Variants in ESRRG observed in about 807,000 individuals in gnomAD.
ESRRG encodes estrogen related receptor gamma.
ESRRG carries 13 observed loss-of-function variants against 44.0 expected under a neutral mutation model. The ratio of observed to expected loss-of-function variants is 0.30; its 90% confidence interval spans 0.19 to 0.47. The LOEUF (loss-of-function observed/expected upper bound fraction) is 0.47, where lower values mean the gene tolerates loss of function less well. ESRRG is among the 20% of genes least tolerant of loss of function. The pLI is 1.00. For synonymous variants in ESRRG, 215 were observed against 214.6 expected (o/e 1.00, Z -0.02); for missense variants, 395 against 580.6 (o/e 0.68, Z 3.29).
intron 2 of ESRRG, among the ~76,000 whole-genome samples, chr1:216,762,990 T>G (rs1199341332): frequency 6.6e-6 from 1 of 152,118 alleles, no homozygotes. Flanking sequence ...ATAAGTTACC[T>G]AAGAGTGCTA....
intron 1 of ESRRG, chr1:217,089,375 T>A (rs1479488141): frequency 7.4e-6 from 1 of 135,074 alleles, no homozygotes; most frequent in Non-Finnish European, 1.6e-5. Flanking sequence ...TTTTTTTTTT[T>A]CCAAGAGACT....
chr1:216,922,912 T>C (rs1381456982), intron 2 of ESRRG, among the ~76,000 whole-genome samples: 1 of 152,148 alleles, frequency 6.6e-6, no homozygotes, highest in East Asian at 1.9e-4. Flanking sequence ...ACTCCTACCC[T>C]TTCACGCCTG....
chr1:216,737,890 G>A (rs1449882595), intron 2 of ESRRG, among the ~76,000 whole-genome samples: 1 of 151,554 alleles, frequency 6.6e-6, no homozygotes, highest in South Asian at 2.1e-4. Flanking sequence ...GAAAATATTC[G>A]TCCTTACATA....
intron 6 of ESRRG, among the ~76,000 whole-genome samples, chr1:216,516,973 A>G (rs1330391889): frequency 1.3e-5 from 2 of 152,164 alleles, no homozygotes; most frequent in Non-Finnish European, 2.9e-5. Context: ...ATAATTACAC[A>G]ACACAGTAGA....
chr1:216,945,389 C>T (rs1156761090), intron 1 of ESRRG, among the ~76,000 whole-genome samples: 1 of 152,036 alleles, frequency 6.6e-6, no homozygotes, highest in Non-Finnish European at 1.5e-5. Flanking sequence ...AATCTGCAAG[C>T]AGACCCCGAG....
intron 2 of ESRRG, among the ~76,000 whole-genome samples, chr1:216,931,833 C>T (rs1444393787): frequency 1.0e-5 from 1 of 99,208 alleles, no homozygotes; most frequent in Admixed American, 1.1e-4. Context: ...AATGAGAAAC[C>T]ACAAAAAAAA....
In ESRRG at chr1:217,021,165, C is replaced by T. The variant is rs1354806127; in HGVS notation, c.-106+68342G>A. On this transcript the variant is annotated intron_variant, in intron 1 of 7. Coordinates refer to the ESRRG transcript ENST00000359162. ...GGTTGTTTCTCTTTTTCTAATGATC[C>T]ATCTGCTGTTCCTCACGTTCACAGA... is the stretch of plus-strand genomic sequence containing the variant. Among the ~76,000 whole-genome samples, 3 of 151,946 alleles carry T rather than the reference C, an allele frequency of 2.0e-5. No homozygotes were observed. In the East Asian group the frequency reaches 5.8e-4, roughly 29 times the overall value.
chr1:216,725,135 G>T (rs2087231180), upstream of ESRRG, among the ~76,000 whole-genome samples: 1 of 152,042 alleles, frequency 6.6e-6, no homozygotes, highest in Admixed American at 6.6e-5. Context: ...GACATGATTT[G>T]GTCCCCCCAC....
rs199959949 is a variant in ESRRG at position 216,577,770 on chromosome 1, A to AT, written c.590-9673dup. On this transcript the variant is annotated intron_variant, in intron 3 of 6. Coordinates refer to ENST00000408911, the MANE Select transcript of ESRRG (RefSeq NM_001438.4). ...AAGCAGACATGGATTTAAAATATAG[A>AT]TTTTTTTAAAAAAAAAGGAAATAGA... is the stretch of plus-strand genomic sequence containing the variant. Among the ~76,000 whole-genome samples, 620 of 152,040 alleles carry AT rather than the reference A, an allele frequency of 4.1e-3. 5 individuals are homozygous for AT. Among genetic ancestry groups the AT allele is most frequent in the Non-Finnish European group, 7.4e-3 (503 of 67,922 alleles).
chr1:216,792,116 G>T (rs1343520224), intron 2 of ESRRG, among the ~76,000 whole-genome samples: 1 of 152,050 alleles, frequency 6.6e-6, no homozygotes, highest in African/African-American at 2.4e-5. Context: ...ATTTAAAGTG[G>T]AATGTTTTAA....
intron 1 of ESRRG, among the ~76,000 whole-genome samples, chr1:216,969,733 G>T (rs1207221348): frequency 6.6e-6 from 1 of 152,062 alleles, no homozygotes; most frequent in African/African-American, 2.4e-5. Context: ...TTACAGGCAT[G>T]CACCACCATG....
At chr1:216,644,291 C>G (rs2067043143) in intron 3 of ESRRG, among the ~76,000 whole-genome samples, 1 of 152,110 alleles carries the variant, frequency 6.6e-6, no homozygotes, top group Non-Finnish European at 1.5e-5. Context: ...ACTCACAATT[C>G]TACTATATTG....
intron 1 of ESRRG, among the ~76,000 whole-genome samples, chr1:217,020,880 T>C (rs186907971): frequency 6.6e-6 from 1 of 152,142 alleles, no homozygotes; most frequent in African/African-American, 2.4e-5. Flanking sequence ...TCCTGACGCA[T>C]GACATGACTA....
At chr1:216,559,616 T>A (rs560906752) in intron 5 of ESRRG, among the ~76,000 whole-genome samples, 1 of 152,324 alleles carries the variant, frequency 6.6e-6, no homozygotes, top group Admixed American at 6.5e-5. Flanking sequence ...AGAAACATAG[T>A]TTACATTATA....
intron 2 of ESRRG, among the ~76,000 whole-genome samples, chr1:216,917,008 T>G (rs1049172251): frequency 5.9e-5 from 9 of 151,554 alleles, no homozygotes; most frequent in African/African-American, 1.7e-4. Flanking sequence ...TGGTTGCTCA[T>G]GTGGCTGCAT....
chr1:216,957,220 C>A lies in ESRRG; in HGVS notation c.-105-17547G>T, dbSNP rs149846770. On this transcript the variant is annotated intron_variant, in intron 1 of 7. Transcript: ENST00000359162. ...CTCTAAATGTTAAAGAAGCCAAGTC[C>A]TTGGATCTCTTCTTTTATCTTTCTA... Among the ~76,000 whole-genome samples the A allele has an allele frequency of 1.8e-3, 276 of 152,166 alleles. 3 individuals are homozygous for A. The highest frequency in any genetic ancestry group is 6.4e-3 in the African/African-American group (267 of 41,530).
At chr1:217,036,863 A>T (rs1413294697) in intron 1 of ESRRG, among the ~76,000 whole-genome samples, 1 of 151,798 alleles carries the variant, frequency 6.6e-6, no homozygotes, top group African/African-American at 2.4e-5. Context: ...AGTATAGGCG[A>T]TGGAAACCAG....
intron 2 of ESRRG, among the ~76,000 whole-genome samples, chr1:216,736,621 A>C (rs2089965922): frequency 6.6e-6 from 1 of 152,150 alleles, no homozygotes; most frequent in Admixed American, 6.5e-5. Flanking sequence ...ACAGTTGAGG[A>C]AGAATGGTTT....
intron 3 of ESRRG, among the ~76,000 whole-genome samples, chr1:216,628,941 A>G (rs972253410): frequency 1.8e-4 from 28 of 152,176 alleles, no homozygotes; most frequent in African/African-American, 5.5e-4. Flanking sequence ...ACTCTCTCTC[A>G]GCCTCTGAGC....
Sources: gnomAD v4.1 joint callset for allele counts (sites outside exome capture counted in the v4.1 genomes callset) on GRCh38, gnomAD v4.1.1 for gene constraint, MANE v1.5 for transcripts, NCBI Gene and HGNC (gene_info 2026-07-23, HGNC 2026-07-21) for gene names.